AIG1: variants seen among roughly 807,000 people sequenced by gnomAD.
AIG1 encodes the protein androgen-induced gene 1 protein.
Under a neutral mutation model 31.4 loss-of-function variants are expected in AIG1, and 23 were observed. The ratio of observed to expected loss-of-function variants is 0.73; its 90% CI spans 0.53 to 1.04. The LOEUF is 1.04. AIG1 is among the 50% of genes least tolerant of loss of function. The pLI is 0.00. For synonymous variants in AIG1, 100 were observed against 110.5 expected, an observed-to-expected ratio of 0.90 and a Z score of 0.60; for missense variants, 274 against 295.0, an observed-to-expected ratio of 0.93 and a Z score of 0.52.
chr6:143,270,058 C>T (rs1213651897), intron 3 of AIG1, among the ~76,000 whole-genome samples: 2 of 152,176 alleles, frequency 1.3e-5, no homozygotes, highest in Non-Finnish European at 2.9e-5. Flanking sequence ...TGTGACATCA[C>T]GGATGTAGAC....
intron 3 of AIG1, among the ~76,000 whole-genome samples, chr6:143,223,385 G>A (rs763506531): frequency 2.6e-5 from 4 of 152,188 alleles, no homozygotes; most frequent in Non-Finnish European, 5.9e-5. Context: ...CATTGGTTTA[G>A]GCCTGTGAAG....
chr6:143,192,079 G>A (rs374153178), intron 3 of AIG1, among the ~76,000 whole-genome samples: 3 of 152,186 alleles, frequency 2.0e-5, no homozygotes, highest in African/African-American at 7.2e-5. Context: ...AAAATCAATT[G>A]TTTAATTGCT....
chr6:143,282,380 T>C (rs992934512), intron 3 of AIG1, among the ~76,000 whole-genome samples: 1 of 152,354 alleles, frequency 6.6e-6, no homozygotes, highest in East Asian at 1.9e-4. Context: ...ATTTGAATTT[T>C]GCGTGAATGC....
chr6:143,195,634 C>CG (rs1007268986), intron 3 of AIG1, among the ~76,000 whole-genome samples: 2 of 150,786 alleles, frequency 1.3e-5, no homozygotes, highest in African/African-American at 4.8e-5. Flanking sequence ...TGAGGGAGCA[C>CG]GGGGGAGGAC....
intron 1 of AIG1, among the ~76,000 whole-genome samples, chr6:143,075,163 G>A (rs554988153): frequency 1.3e-5 from 2 of 152,150 alleles, no homozygotes; most frequent in African/African-American, 4.8e-5. Flanking sequence ...TGCTGATATG[G>A]GTAATTTGTG....
rs186010300 is a variant in AIG1, at chr6:143,267,017, C to T, written c.400-17093C>T. 7.2e-5 allele frequency among the ~76,000 whole-genome samples: 11 copies of T among 152,290 alleles called. No homozygotes were observed. In the East Asian group the frequency reaches 7.7e-4, roughly 11 times the overall value. Reference sequence around the variant, plus strand: ...AGAATATGCACATGAATCAGAAAAGCGACCCAGTCCTTGTCAACGTCCTGC... The same window carrying T: ...AGAATATGCACATGAATCAGAAAAGTGACCCAGTCCTTGTCAACGTCCTGC... On this transcript the variant is annotated intron_variant, in intron 3 of 5. Coordinates refer to ENST00000357847, the MANE Select transcript of AIG1 (RefSeq NM_016108.4).
chr6:143,215,706 A>G (rs553349645), intron 3 of AIG1, among the ~76,000 whole-genome samples: 4 of 152,278 alleles, frequency 2.6e-5, no homozygotes, highest in African/African-American at 9.6e-5. Flanking sequence ...GTGCTAGGAT[A>G]TCAAAGCAAA....
chr6:143,176,891 C>T (rs890825836), intron 3 of AIG1, among the ~76,000 whole-genome samples: 1 of 152,238 alleles, frequency 6.6e-6, no homozygotes, highest in Non-Finnish European at 1.5e-5. Context: ...CTTGGCTTTC[C>T]TGGTATGTTC....
chr6:143,205,417 T>C (rs1386893989), intron 3 of AIG1, among the ~76,000 whole-genome samples: 1 of 152,234 alleles, frequency 6.6e-6, no homozygotes, highest in African/African-American at 2.4e-5. Flanking sequence ...TATACAGTTT[T>C]TCCTGTATGA....
rs1777222886 is a variant in AIG1 at position 143,333,255 on chromosome 6, C to T, written c.516-27C>T. On this transcript the variant is annotated intron_variant, in intron 4 of 5. Transcript: ENST00000357847. The surrounding 1 kb of genome is among the most constrained non-coding windows in gnomAD (Gnocchi z 4.6). ...GCCTGCCATAAGAGTGACTCCTGTC[C>T]TTGTCTCCTTTCCGATTCTTTTGCA... The T allele has an allele frequency of 1.3e-6, 2 of 1,589,580 alleles. No homozygotes were observed.
At chr6:143,200,580 C>T (rs555676902) in intron 3 of AIG1, among the ~76,000 whole-genome samples, 2 of 152,182 alleles carry the variant, frequency 1.3e-5, no homozygotes, top group Non-Finnish European at 2.9e-5. Flanking sequence ...AATTCCTTTA[C>T]CACGCCACTG....
intron 3 of AIG1, among the ~76,000 whole-genome samples, chr6:143,169,439 C>G (rs748327169): frequency 2.6e-5 from 4 of 152,124 alleles, no homozygotes; most frequent in Non-Finnish European, 4.4e-5. Flanking sequence ...TATTATTTCT[C>G]TATGTTGAGA....
In AIG1 at chr6:143,279,027, G is replaced by C. The variant is rs928148536; in HGVS notation, c.400-5083G>C. ...AAAAAAATCAAGTAGCATGAACGGG[G>C]CCACAGTATGGCTTTTGTAGATTTT... On this transcript the variant is annotated intron_variant, in intron 3 of 5. Coordinates refer to ENST00000357847, the MANE Select transcript of AIG1 (RefSeq NM_016108.4). This position sits in a 1 kb window ranked among gnomAD's most constrained non-coding sequence, Gnocchi z 5.4. Among the ~76,000 whole-genome samples, 3 of 152,056 alleles carry C rather than the reference G, an allele frequency of 2.0e-5. No individual in the cohort carries two copies. Among genetic ancestry groups the C allele is most frequent in the Non-Finnish European group, 4.4e-5 (3 of 68,010 alleles).
rs558628813 is a variant in AIG1 at position 143,264,247 on chromosome 6, G to A, written c.400-19863G>A. ...TTCCTTTATCTTGTGCCCACACTGC[G>A]GATTTCCAGTGCTTATCCTTATTCG... On this transcript the variant is annotated intron_variant, in intron 3 of 5. Coordinates refer to ENST00000357847, the MANE Select transcript of AIG1 (RefSeq NM_016108.4). Among the ~76,000 whole-genome samples the A allele has an allele frequency of 3.3e-5, 5 of 152,066 alleles. No individual in the cohort carries two copies. The East Asian group carries it at 7.7e-4, about 24-fold the overall frequency.
At chr6:143,259,205 A>C (rs1795569382) in intron 3 of AIG1, among the ~76,000 whole-genome samples, 1 of 152,200 alleles carries the variant, frequency 6.6e-6, no homozygotes, top group African/African-American at 2.4e-5. Context: ...TTGTGAGCCA[A>C]ATAAACCTCT....
intron 3 of AIG1, among the ~76,000 whole-genome samples, chr6:143,259,473 T>G (rs1795595795): frequency 6.6e-6 from 1 of 152,234 alleles, no homozygotes; most frequent in East Asian, 1.9e-4. Context: ...TTCTGCCATC[T>G]AGCCATTAAA....
At chr6:143,138,112 C>G (rs544103888) in intron 2 of AIG1, among the ~76,000 whole-genome samples, 55 of 152,262 alleles carry the variant, frequency 3.6e-4, no homozygotes, top group African/African-American at 1.3e-3. Context: ...ATAAATAGCC[C>G]TTAACCCTGA....
At chr6:143,161,537 A>T (rs557210860) in intron 2 of AIG1, among the ~76,000 whole-genome samples, 1 of 150,218 alleles carries the variant, frequency 6.7e-6, no homozygotes, top group South Asian at 2.1e-4. Context: ...TATTATATAT[A>T]TATGTGTGTA....
intron 3 of AIG1, among the ~76,000 whole-genome samples, chr6:143,276,613 G>A (rs1210428896): frequency 6.6e-6 from 1 of 152,108 alleles, no homozygotes; most frequent in Admixed American, 6.5e-5. Context: ...GCTGGGGAGA[G>A]GGAGACCCAT....
Sources: allele counts gnomAD v4.1 joint callset (sites outside exome capture counted in the v4.1 genomes callset), GRCh38; gene constraint gnomAD v4.1.1; non-coding constraint Gnocchi (gnomAD v3.1); transcripts MANE v1.5; gene names NCBI Gene and HGNC (gene_info 2026-07-23, HGNC 2026-07-21).